The following MYO1E variants were observed in gnomAD, a reference collection of about 807,000 sequenced individuals.
The protein encoded by MYO1E is unconventional myosin-Ie.
A neutral mutation model predicts 151.1 loss-of-function variants in MYO1E; 68 were observed. The observed-to-expected ratio is 0.45, with a 90% confidence interval of 0.37 to 0.55. The LOEUF (loss-of-function observed/expected upper bound fraction) is 0.55. Ranked by LOEUF, MYO1E falls within the 20% of genes least tolerant of loss-of-function variation. The pLI, the probability that MYO1E is intolerant of heterozygous loss-of-function variation, is 0.00. For synonymous variants in MYO1E, 601 were observed against 501.7 expected, an observed-to-expected ratio of 1.20 and a Z score of -2.64; for missense variants, 1,363 against 1,389.3, an observed-to-expected ratio of 0.98 and a Z score of 0.30.
chr15:59,324,549 G>GCA (rs2080650443), intron 1 of MYO1E, among the ~76,000 whole-genome samples: 1 of 152,026 alleles, frequency 6.6e-6, no homozygotes, highest in African/African-American at 2.4e-5. Context: ...TAGAGAAGAA[G>GCA]CACACCTCAG....
chr15:59,143,238 C>T (rs113129174), intron 26 of MYO1E, among the ~76,000 whole-genome samples: 5 of 152,288 alleles, frequency 3.3e-5, no homozygotes, highest in African/African-American at 1.2e-4. Flanking sequence ...CCCTTTATCA[C>T]TAGGCTGAAT....
At chr15:59,222,845 G>A (rs2079964463) in intron 9 of MYO1E, among the ~76,000 whole-genome samples, 1 of 152,228 alleles carries the variant, frequency 6.6e-6, no homozygotes, top group African/African-American at 2.4e-5. Context: ...AATCGATGGT[G>A]TGGGACTTGG....
intron 18 of MYO1E, among the ~76,000 whole-genome samples, chr15:59,182,208 C>G (rs975869196): frequency 6.6e-6 from 1 of 151,550 alleles, no homozygotes; most frequent in Non-Finnish European, 1.5e-5. Context: ...TCCCAGTATT[C>G]TTTTTTTTTA....
intron 1 of MYO1E, among the ~76,000 whole-genome samples, chr15:59,309,693 T>A (rs2080537833): frequency 6.6e-6 from 1 of 152,242 alleles, no homozygotes; most frequent in Non-Finnish European, 1.5e-5. Context: ...AGGCCAAATG[T>A]GTGTCTTTCT....
At chr15:59,215,508 A>G (rs2079907880) in intron 10 of MYO1E, among the ~76,000 whole-genome samples, 1 of 152,146 alleles carries the variant, frequency 6.6e-6, no homozygotes, top group African/African-American at 2.4e-5. Flanking sequence ...AATTCATGGG[A>G]ACAGATGTAA....
intron 1 of MYO1E, among the ~76,000 whole-genome samples, chr15:59,322,989 G>A (rs564291865): frequency 4.9e-5 from 7 of 142,588 alleles, no homozygotes; most frequent in East Asian, 2.1e-4. Flanking sequence ...GTGAAACTCC[G>A]TCTCTACTAA....
chr15:59,248,213 G>A (rs568851515), intron 4 of MYO1E, among the ~76,000 whole-genome samples: 25 of 151,390 alleles, frequency 1.7e-4, no homozygotes, highest in Non-Finnish European at 2.9e-4. Flanking sequence ...GCCGGGTGCG[G>A]TGGCTCATAA....
chr15:59,184,243 G>C (rs1448780448), intron 18 of MYO1E, among the ~76,000 whole-genome samples: 1 of 152,096 alleles, frequency 6.6e-6, no homozygotes, highest in Non-Finnish European at 1.5e-5. Context: ...CCGACCTCAA[G>C]TGATCCACAC....
intron 8 of MYO1E, 142 bp downstream of exon 8, chr15:59,224,546 TG>T (rs2140350361): frequency 9.0e-7 from 1 of 1,113,530 alleles, no homozygotes; most frequent in South Asian, 1.3e-5. Flanking sequence ...TACTGAAACA[TG>T]TATGAGCATA....
intron 18 of MYO1E, among the ~76,000 whole-genome samples, chr15:59,180,713 C>A (rs2079653237): frequency 6.6e-6 from 1 of 152,060 alleles, no homozygotes; most frequent in African/African-American, 2.4e-5. Context: ...GCACTGGAGA[C>A]CAGGGCATAA....
chr15:59,238,841 G>A (rs949966009), intron 4 of MYO1E, among the ~76,000 whole-genome samples: 33 of 151,940 alleles, frequency 2.2e-4, no homozygotes, highest in African/African-American at 8.0e-4. Flanking sequence ...AAAGTGCTGG[G>A]ATTACAGGTG....
At chr15:59,251,397 C>T (rs1261181580) in intron 4 of MYO1E, among the ~76,000 whole-genome samples, 1 of 152,110 alleles carries the variant, frequency 6.6e-6, no homozygotes, top group Non-Finnish European at 1.5e-5. Context: ...AAAAAAACAG[C>T]AGTAATAGGG....
chr15:59,334,477 T>TA (rs11287543), intron 1 of MYO1E, among the ~76,000 whole-genome samples: 139 of 145,904 alleles, frequency 9.5e-4, no homozygotes, highest in African/African-American at 2.5e-3. Flanking sequence ...TTGTTTTTCT[T>TA]AAAAAAAAAA....
intron 1 of MYO1E, 61 bp downstream of exon 1, chr15:59,372,437 G>A (rs2080952768): frequency 1.3e-6 from 2 of 1,534,800 alleles, no homozygotes; most frequent in East Asian, 2.5e-5. Flanking sequence ...GGTGCACCAC[G>A]CCGGGGTTTC....
chr15:59,362,840 T>G (rs1361354654), intron 1 of MYO1E, among the ~76,000 whole-genome samples: 1 of 152,256 alleles, frequency 6.6e-6, no homozygotes, highest in Non-Finnish European at 1.5e-5. Context: ...ACTAACAATG[T>G]GATATTCTAA....
chr15:59,171,045 G>C (rs1187844410), intron 22 of MYO1E: 3 of 155,428 alleles, frequency 1.9e-5, no homozygotes, highest in African/African-American at 7.2e-5. Flanking sequence ...CACGATTCTT[G>C]GAGGAAGCTA....
intron 4 of MYO1E, among the ~76,000 whole-genome samples, chr15:59,250,912 TTGCAG>T (rs2080160826): frequency 1.3e-5 from 2 of 152,102 alleles, no homozygotes; most frequent in African/African-American, 2.4e-5. Context: ...CAGGTGGACC[TTGCAG>T]TGCAGGTGGA....
rs200004930 is a variant in MYO1E, at chr15:59,202,407, C to G, written c.1617G>C (p.Leu539=). 1.1e-5 allele frequency: 17 copies of G among 1,613,482 alleles called. No individual in the cohort carries two copies. The African/African-American group carries it at 2.1e-4, about 20-fold the overall frequency. The part of the protein sequence containing the change: ...DLIELMQSSE[L]PFIKSLFPEN... ...CCGGAAATAAAGACTTTATGAAAGG[C>G]CTGGAAAAGGAGAAAGAGAATGAAT... The change falls in exon 16 of 28, where the codon CTG becomes CTC. Residue 539 remains leucine, a splice_region_variant and synonymous_variant. Coordinates refer to ENST00000288235, the MANE Select transcript of MYO1E (RefSeq NM_004998.4).
At chr15:59,234,822 CAA>C (rs3053017) in intron 5 of MYO1E, among the ~76,000 whole-genome samples, 45,880 of 101,330 alleles carry the variant, frequency 0.45, 9,626 homozygotes, top group Non-Finnish European at 0.57. Flanking sequence ...GACCCCATCT[CAA>C]AAAAAAAAAA....
Sources: allele counts gnomAD v4.1 joint callset (sites outside exome capture counted in the v4.1 genomes callset), GRCh38; gene constraint gnomAD v4.1.1; transcripts MANE v1.5; gene names NCBI Gene and HGNC (gene_info 2026-07-23, HGNC 2026-07-21).